The following SHANK2 variants were observed in gnomAD, a reference collection of about 807,000 sequenced individuals.
SHANK2 encodes the protein SH3 and multiple ankyrin repeat domains protein 2.
In SHANK2, 43 loss-of-function variants were observed where a neutral mutation model predicts 133.7. The ratio of observed to expected loss-of-function variants is 0.32; its 90% confidence interval spans 0.25 to 0.41. The LOEUF is 0.41. SHANK2 is among the 10% of genes least tolerant of loss of function. The probability of loss-of-function intolerance (pLI) is 1.00; values close to 1 mark genes in which losing one functional copy is unlikely to be tolerated. For synonymous variants in SHANK2, 1,017 were observed against 952.8 expected, an observed-to-expected ratio of 1.07 and a Z score of -1.24; for missense variants, 1,994 against 2,235.8, an observed-to-expected ratio of 0.89 and a Z score of 2.18.
At chr11:70,564,823 A>G (rs1554981560) in intron 17 of SHANK2, among the ~76,000 whole-genome samples, 1 of 152,182 alleles carries the variant, frequency 6.6e-6, no homozygotes, top group Non-Finnish European at 1.5e-5. Flanking sequence ...CATCACTGGA[A>G]GTTTGATTTG....
chr11:70,477,182 A>G (rs1397003082), intron 25 of SHANK2: 2 of 152,286 alleles, frequency 1.3e-5, no homozygotes, highest in Admixed American at 1.3e-4. Flanking sequence ...TTCTGTTAAC[A>G]CCGGTCATGG....
chr11:70,845,121 C>T (rs1249195431), intron 11 of SHANK2, among the ~76,000 whole-genome samples: 3 of 150,092 alleles, frequency 2.0e-5, no homozygotes, highest in African/African-American at 7.4e-5. Flanking sequence ...ATCGCTTGAA[C>T]CCGGGTGGCA....
intron 11 of SHANK2, among the ~76,000 whole-genome samples, chr11:70,838,669 C>T (rs1440610209): frequency 1.3e-5 from 2 of 152,192 alleles, no homozygotes; most frequent in Non-Finnish European, 2.9e-5. Flanking sequence ...GAAGAAATTA[C>T]TGAAGTCTCC....
At chr11:70,798,954 G>C (rs1947983237) in intron 13 of SHANK2, among the ~76,000 whole-genome samples, 1 of 152,054 alleles carries the variant, frequency 6.6e-6, no homozygotes, top group Admixed American at 6.5e-5. Flanking sequence ...AGTGGAGTCG[G>C]GGGGCACCGC....
chr11:70,857,788 C>A (rs1160011314), intron 11 of SHANK2, among the ~76,000 whole-genome samples: 1 of 152,174 alleles, frequency 6.6e-6, no homozygotes, highest in East Asian at 1.9e-4. Flanking sequence ...GACACAATGA[C>A]CCTTGAAGGC....
intron 15 of SHANK2, among the ~76,000 whole-genome samples, chr11:70,666,516 G>A (rs1310237399): frequency 6.6e-6 from 1 of 152,186 alleles, no homozygotes; most frequent in Admixed American, 6.5e-5. Context: ...GGGTCCGGAA[G>A]TTGTGGCATT....
At position 70,471,584 on chromosome 11, in the gene SHANK2, C is replaced by T; in HGVS notation, c.*1285G>A. 2.5e-6 allele frequency: 1 copy of T among 395,586 alleles called. No individual in the cohort carries two copies. The highest frequency in any genetic ancestry group is 4.4e-6 in the Non-Finnish European group (1 of 224,768). The allele number at this position is 395,586 out of a possible 1,614,324, so 24.5% of individuals were successfully genotyped here. On this transcript the variant is annotated 3_prime_UTR_variant, in exon 26 of 26. Transcript: ENST00000601538. This position sits in a 1 kb window ranked among gnomAD's most constrained non-coding sequence, Gnocchi z 4.1. ...CTCTGCTTTCACTCTGATCCTGCCG[C>T]CCACCTTCTGTTCTCAACCCTGGGT... is the stretch of plus-strand genomic sequence containing the variant.
chr11:71,215,544 G>C (rs890587286), intron 2 of SHANK2, among the ~76,000 whole-genome samples: 2 of 152,142 alleles, frequency 1.3e-5, no homozygotes, highest in African/African-American at 4.8e-5. Flanking sequence ...AGCAAGGAAG[G>C]CCTGCTGAGG....
At chr11:70,488,222 G>A (rs1323030661) in intron 24 of SHANK2, among the ~76,000 whole-genome samples, 2 of 152,186 alleles carry the variant, frequency 1.3e-5, no homozygotes, top group Non-Finnish European at 2.9e-5. Flanking sequence ...TAGGGCAGGG[G>A]TCTAAGGCTG....
chr11:71,119,407 C>A (rs1555101063), intron 3 of SHANK2, among the ~76,000 whole-genome samples: 1 of 152,040 alleles, frequency 6.6e-6, no homozygotes, highest in Admixed American at 6.6e-5. Flanking sequence ...TGGCGAAACC[C>A]CATCGCTGCT....
At chr11:70,950,635 T>G (rs377417037) in intron 10 of SHANK2, among the ~76,000 whole-genome samples, 1 of 151,604 alleles carries the variant, frequency 6.6e-6, no homozygotes, top group Non-Finnish European at 1.5e-5. Context: ...TCAGACAGGA[T>G]CTCGCTCTGT....
At chr11:71,223,213 G>A (rs1954585982) in intron 2 of SHANK2, among the ~76,000 whole-genome samples, 1 of 152,246 alleles carries the variant, frequency 6.6e-6, no homozygotes, top group South Asian at 2.1e-4. Context: ...ATGGTGGCCA[G>A]GACCAGGGTA....
intron 17 of SHANK2, among the ~76,000 whole-genome samples, chr11:70,583,805 C>T (rs1239458824): frequency 1.3e-5 from 2 of 152,214 alleles, no homozygotes; most frequent in African/African-American, 2.4e-5. Context: ...CAAGATCTCA[C>T]CATCACCCCA....
intron 2 of SHANK2, among the ~76,000 whole-genome samples, chr11:71,201,418 C>A (rs1206073374): frequency 6.6e-6 from 1 of 152,244 alleles, no homozygotes; most frequent in Admixed American, 6.5e-5. Flanking sequence ...CTGGCGTGTG[C>A]CACAAAGGGT....
intron 14 of SHANK2, among the ~76,000 whole-genome samples, chr11:70,701,664 A>G (rs1302562360): frequency 6.6e-6 from 1 of 152,076 alleles, no homozygotes; most frequent in African/African-American, 2.4e-5. Context: ...TCGGCCTCCC[A>G]AAGTGCTGGG....
intron 9 of SHANK2, among the ~76,000 whole-genome samples, chr11:71,074,051 A>C (rs1411707463): frequency 6.6e-6 from 1 of 152,160 alleles, no homozygotes; most frequent in African/African-American, 2.4e-5. Flanking sequence ...TCTTGAGCCC[A>C]GTTCTGGCAC....
At chr11:70,591,503 T>C (rs1231080155) in intron 17 of SHANK2, among the ~76,000 whole-genome samples, 1 of 151,824 alleles carries the variant, frequency 6.6e-6, no homozygotes, top group Admixed American at 6.6e-5. Flanking sequence ...ACTCAAACGC[T>C]GTCAACTTCT....
intron 14 of SHANK2, among the ~76,000 whole-genome samples, chr11:70,711,612 C>A (rs1014113879): frequency 6.6e-6 from 1 of 151,806 alleles, no homozygotes; most frequent in Non-Finnish European, 1.5e-5. Context: ...GCTCAGGACT[C>A]CACTCTTGGG....
chr11:71,118,902 C>A lies in SHANK2; in HGVS notation c.338G>T (p.Gly113Val). ...LFQPASNGRDGKFLDEERLLR... is the reference protein window; with the variant it reads ...LFQPASNGRDVKFLDEERLLR... ...GAGCCGCTCCTCATCCAGGAACTTG[C>A]CGTCACGCCCATTGCTGGCCGGCTG... Residue 113 changes from glycine (G) to valine (V), a missense_variant, in exon 4 of 26, where the codon GGC (glycine) becomes GTC (valine). Physicochemically the swap from Gly to Val is moderately radical, Grantham distance 109. Transcript: ENST00000601538. 2 of 1,551,768 alleles carry A rather than the reference C, an allele frequency of 1.3e-6. No individual in the cohort carries two copies. The highest frequency in any genetic ancestry group is 2.7e-5 in the African/African-American group (2 of 73,178).
Sources: allele counts gnomAD v4.1 joint callset (sites outside exome capture counted in the v4.1 genomes callset), GRCh38; gene constraint gnomAD v4.1.1; non-coding constraint Gnocchi (gnomAD v3.1); transcripts MANE v1.5; gene names NCBI Gene and HGNC (gene_info 2026-07-23, HGNC 2026-07-21).